The following SNTG1 variants were observed in gnomAD, a reference collection of about 807,000 sequenced individuals.
SNTG1 encodes gamma-1-syntrophin.
A neutral mutation model predicts 74.7 loss-of-function variants in SNTG1; 39 were observed. That is an observed-to-expected ratio of 0.52 (90% CI 0.40 to 0.68). The LOEUF (loss-of-function observed/expected upper bound fraction) is 0.68, where lower values mean the gene tolerates loss of function less well. SNTG1 is among the 30% of genes least tolerant of loss of function. SNTG1 has a pLI of 0.00. For missense variants in SNTG1, 685 were observed against 609.5 expected, an observed-to-expected ratio of 1.12 and a Z score of -1.30; for synonymous variants, 254 against 217.1, an observed-to-expected ratio of 1.17 and a Z score of -1.49.
intron 17 of SNTG1, among the ~76,000 whole-genome samples, chr8:50,738,188 G>A (rs2095533754): frequency 6.6e-6 from 1 of 152,098 alleles, no homozygotes; most frequent in Non-Finnish European, 1.5e-5. Context: ...ATCTCCTTAA[G>A]CTGAGAAGCA....
intron 2 of SNTG1, among the ~76,000 whole-genome samples, chr8:50,305,404 G>T (rs2089846682): frequency 6.6e-6 from 1 of 151,688 alleles, no homozygotes; most frequent in Admixed American, 6.6e-5. Context: ...GTGTCTTCTT[G>T]GTGTTGGTCA....
Position 50,326,734 on chromosome 8 carries a change from G to T in SNTG1, c.-27-67478G>T, listed in dbSNP as rs1021677330. ...TTTATTATTTTCTTCCAGTTACATT[G>T]AATTTCATTTACTCTTATTTTTCTA... is the stretch of plus-strand genomic sequence containing the variant. On this transcript the variant is annotated intron_variant, in intron 2 of 18. Coordinates refer to ENST00000642720, the MANE Select transcript of SNTG1 (RefSeq NM_018967.5). 2.0e-5 allele frequency among the ~76,000 whole-genome samples: 3 copies of T among 149,358 alleles called. No individual in the cohort carries two copies. The East Asian group carries it at 5.9e-4, about 30-fold the overall frequency.
chr8:49,943,696 A>G (rs778028917), intron 1 of SNTG1, among the ~76,000 whole-genome samples: 21 of 152,260 alleles, frequency 1.4e-4, no homozygotes, highest in Non-Finnish European at 2.9e-4. Flanking sequence ...ACTTATTTGG[A>G]TGAAAATATT....
chr8:50,214,509 G>A (rs2084682136), intron 2 of SNTG1, among the ~76,000 whole-genome samples: 3 of 151,838 alleles, frequency 2.0e-5, no homozygotes, highest in Non-Finnish European at 4.4e-5. Context: ...AACCACTTTG[G>A]ACTGGATGAT....
chr8:50,452,540 T>G (rs1467823503), intron 8 of SNTG1, among the ~76,000 whole-genome samples: 3 of 152,214 alleles, frequency 2.0e-5, no homozygotes, highest in Non-Finnish European at 4.4e-5. Flanking sequence ...GCAGGCAGCA[T>G]GCTTAGACAA....
intron 2 of SNTG1, among the ~76,000 whole-genome samples, chr8:50,366,357 G>T (rs889168642): frequency 2.6e-5 from 4 of 152,066 alleles, no homozygotes; most frequent in African/African-American, 9.7e-5. Flanking sequence ...TTTTTACTAC[G>T]CTGTGCAGTT....
At chr8:50,277,780 A>G (rs1054606365) in intron 2 of SNTG1, among the ~76,000 whole-genome samples, 1 of 152,204 alleles carries the variant, frequency 6.6e-6, no homozygotes, top group Non-Finnish European at 1.5e-5. Flanking sequence ...GGATTTGTAT[A>G]AATTAAGTTT....
intron 1 of SNTG1, among the ~76,000 whole-genome samples, chr8:50,046,229 C>T (rs1467410336): frequency 6.6e-6 from 1 of 152,160 alleles, no homozygotes; most frequent in East Asian, 1.9e-4. Context: ...AGGTGACAGA[C>T]TAGATTTGGT....
chr8:50,261,504 T>TA (rs1777712682), intron 2 of SNTG1, among the ~76,000 whole-genome samples: 2 of 152,270 alleles, frequency 1.3e-5, no homozygotes, highest in South Asian at 4.1e-4. Context: ...AAATTTTTTT[T>TA]ATTCTTAGTT....
chr8:49,919,602 T>C (rs566734999), intron 1 of SNTG1, among the ~76,000 whole-genome samples: 67 of 152,218 alleles, frequency 4.4e-4, no homozygotes, highest in African/African-American at 1.6e-3. Context: ...TGACTTTAAA[T>C]GTAATTAACA....
At chr8:50,150,365 C>T (rs1008251404) in intron 1 of SNTG1, among the ~76,000 whole-genome samples, 2 of 152,126 alleles carry the variant, frequency 1.3e-5, no homozygotes, top group Admixed American at 6.5e-5. Flanking sequence ...TACCTCTTTT[C>T]CTAATTGAAT....
intron 1 of SNTG1, among the ~76,000 whole-genome samples, chr8:49,979,827 C>G (rs763065809): frequency 2.6e-5 from 4 of 152,162 alleles, no homozygotes; most frequent in Non-Finnish European, 4.4e-5. Context: ...TACAGCTGTG[C>G]GTGCGTGTGT....
intron 2 of SNTG1, among the ~76,000 whole-genome samples, chr8:50,360,805 A>G (rs1435006011): frequency 6.6e-6 from 1 of 152,118 alleles, no homozygotes; most frequent in East Asian, 1.9e-4. Flanking sequence ...TGATGAATGG[A>G]GCTTGCAGGA....
chr8:50,143,364 C>G (rs2081742607), intron 1 of SNTG1, among the ~76,000 whole-genome samples: 1 of 152,100 alleles, frequency 6.6e-6, no homozygotes, highest in Admixed American at 6.6e-5. Flanking sequence ...TGTTCCTTAT[C>G]CTCCCTTGGC....
chr8:50,059,126 A>G (rs1195912953), intron 1 of SNTG1, among the ~76,000 whole-genome samples: 4 of 152,048 alleles, frequency 2.6e-5, no homozygotes, highest in African/African-American at 9.7e-5. Flanking sequence ...CCCATGTGCC[A>G]GTTTATTTAG....
chr8:50,328,977 T>C (rs1309606288), intron 2 of SNTG1, among the ~76,000 whole-genome samples: 1 of 152,180 alleles, frequency 6.6e-6, no homozygotes, highest in African/African-American at 2.4e-5. Flanking sequence ...GATAAATACT[T>C]CCATTCCAAA....
At chr8:50,733,471 G>T (rs2095517997) in intron 17 of SNTG1, among the ~76,000 whole-genome samples, 1 of 151,948 alleles carries the variant, frequency 6.6e-6, no homozygotes, top group Non-Finnish European at 1.5e-5. Context: ...TGGGCTAAAT[G>T]GTATCTCTGT....
At chr8:50,314,988 T>A (rs2090260912) in intron 2 of SNTG1, among the ~76,000 whole-genome samples, 1 of 149,768 alleles carries the variant, frequency 6.7e-6, no homozygotes, top group South Asian at 2.2e-4. Flanking sequence ...TTTTGATAGA[T>A]TGACAGCATT....
chr8:50,723,415 G>C (rs981483640), intron 17 of SNTG1, among the ~76,000 whole-genome samples: 8 of 152,260 alleles, frequency 5.3e-5, no homozygotes, highest in African/African-American at 1.7e-4. Context: ...CTCGAGAGAA[G>C]ACAGAGACCA....
Sources: allele counts gnomAD v4.1 joint callset (sites outside exome capture counted in the v4.1 genomes callset), GRCh38; gene constraint gnomAD v4.1.1; transcripts MANE v1.5; gene names NCBI Gene and HGNC (gene_info 2026-07-23, HGNC 2026-07-21).